GRAMD1B: variants seen among roughly 807,000 people sequenced by gnomAD.
GRAMD1B encodes the protein protein Aster-B.
In GRAMD1B, 37 loss-of-function variants were observed where a neutral mutation model predicts 99.7. That is an observed-to-expected ratio of 0.37 (90% CI 0.29 to 0.49). GRAMD1B has a LOEUF of 0.49. Among genes scored for constraint, GRAMD1B ranks in the 20% least tolerant of loss-of-function variants. The pLI is 0.98. For synonymous variants in GRAMD1B, 427 were observed against 387.6 expected (o/e 1.10, Z -1.19); for missense variants, 888 against 1,009.2 (o/e 0.88, Z 1.63).
chr11:123,568,125 T>A (rs1203594652), intron 2 of GRAMD1B, among the ~76,000 whole-genome samples: 1 of 152,138 alleles, frequency 6.6e-6, no homozygotes, highest in African/African-American at 2.4e-5. Context: ...GGTTTTTTTT[T>A]TAACTGAAAT....
intron 16 of GRAMD1B, among the ~76,000 whole-genome samples, 181 bp downstream of exon 16, chr11:123,613,839 T>C (rs1455983935): frequency 1.3e-5 from 2 of 152,238 alleles, no homozygotes; most frequent in Non-Finnish European, 2.9e-5. Flanking sequence ...TTTAAGTTCC[T>C]CAGCCCCAGC....
intron 2 of GRAMD1B, among the ~76,000 whole-genome samples, chr11:123,516,770 A>T (rs1591786447): frequency 6.6e-6 from 1 of 152,218 alleles, no homozygotes; most frequent in Admixed American, 6.5e-5. Flanking sequence ...TTGTTGCCTT[A>T]TATTTTAAGT....
rs1042095096 is a variant in GRAMD1B, at chr11:123,627,243, C to T, written c.*4648C>T. ...AGGGTGGCCTCTGCTCCAGGCAAGG[C>T]AGCTGGCTCTGTCTGGGGCATCGGC... On this transcript the variant is annotated 3_prime_UTR_variant, in exon 20 of 20. Transcript: ENST00000635736. 2.0e-5 allele frequency: 3 copies of T among 152,310 alleles called. No individual in the cohort carries two copies. Among genetic ancestry groups the T allele is most frequent in the Non-Finnish European group, 2.9e-5 (2 of 68,066 alleles). 9.4% of individuals were successfully genotyped at this position (152,310 alleles called of 1,614,324 possible). A position where few individuals can be genotyped will look rare whatever the true frequency, so the allele number is the denominator to read the frequency against.
At chr11:123,613,040 G>C in intron 15 of GRAMD1B, 176 bp downstream of exon 15, 1 of 597,044 alleles carries the variant, frequency 1.7e-6, no homozygotes, top group African/African-American at 1.9e-5. Context: ...CATGTATGTG[G>C]ACAAGTGCAT....
At chr11:123,549,695 C>G (rs1945425141) in intron 2 of GRAMD1B, among the ~76,000 whole-genome samples, 1 of 152,162 alleles carries the variant, frequency 6.6e-6, no homozygotes, top group South Asian at 2.1e-4. Context: ...AGTGTCATGC[C>G]ATCTGAGTGC....
In GRAMD1B at chr11:123,622,539, A is replaced by C; in HGVS notation, c.2578A>C (p.Ile860Leu). 1 of 1,558,808 alleles carries C rather than the reference A, an allele frequency of 6.4e-7. No homozygotes were observed. Among genetic ancestry groups the C allele is most frequent in the Non-Finnish European group, 8.7e-7 (1 of 1,151,262 alleles). ...KDSLINLQNGIRSRDYTSESE... is the reference protein window; with the variant it reads ...KDSLINLQNGLRSRDYTSESE... ...CTCGCTCATCAACCTTCAGAACGGC[A>C]TCAGGTCCCGCGACTACACGTCGGA... The change falls in exon 20 of 20, where the codon ATC (isoleucine) becomes CTC (leucine). Residue 860 changes from isoleucine to leucine, a missense_variant. Ile to Leu is a conservative substitution (Grantham distance 5). Coordinates refer to ENST00000635736, the MANE Select transcript of GRAMD1B (RefSeq NM_001387025.1).
Position 123,625,521 on chromosome 11 carries a change from C to T in GRAMD1B, c.*2926C>T, listed in dbSNP as rs1955449259. 6.6e-6 allele frequency: 1 copy of T among 152,210 alleles called. No homozygotes were observed. 9.4% of individuals were successfully genotyped at this position (152,210 alleles called of 1,614,324 possible). On this transcript the variant is annotated 3_prime_UTR_variant, in exon 20 of 20. Transcript: ENST00000635736. The stretch of plus-strand genomic sequence containing the variant: ...CCTTCCTCATCCACCTCTTTGGGGA[C>T]AAGAGGATTACATCTCAGGCCAGCA...
chr11:123,548,385 CA>C (rs1262098822), intron 2 of GRAMD1B, among the ~76,000 whole-genome samples: 50 of 148,676 alleles, frequency 3.4e-4, no homozygotes, highest in Non-Finnish European at 5.2e-4. Context: ...CACACACACA[CA>C]CCCAGACAGG....
At chr11:123,412,844 C>T (rs994931408) in intron 1 of GRAMD1B, among the ~76,000 whole-genome samples, 6 of 152,078 alleles carry the variant, frequency 3.9e-5, no homozygotes, top group Middle Eastern at 3.2e-3. Flanking sequence ...TGCAGTGGCG[C>T]GATCTCGGCT....
At chr11:123,439,564 G>T (rs1030677652) in intron 1 of GRAMD1B, among the ~76,000 whole-genome samples, 1 of 152,178 alleles carries the variant, frequency 6.6e-6, no homozygotes, top group African/African-American at 2.4e-5. Flanking sequence ...TGGGTAGTCA[G>T]AGGGTATGAA....
rs937798675 is a variant in GRAMD1B at position 123,492,998 on chromosome 11, T to C, written c.452+12105T>C. On this transcript the variant is annotated intron_variant, in intron 2 of 19. Transcript: ENST00000635736. The surrounding 1 kb of genome is among the most constrained non-coding windows in gnomAD (Gnocchi z 4.2). ...AGCAAAGACTGTGTCCCTCTCTGAT[T>C]AGATGACTTCTCTGGTACCGATATT... Among the ~76,000 whole-genome samples, 3 of 152,166 alleles carry C rather than the reference T, an allele frequency of 2.0e-5. No homozygotes were observed. Among genetic ancestry groups the C allele is most frequent in the African/African-American group, 7.2e-5 (3 of 41,438 alleles).
chr11:123,585,640 G>C (rs567218136), intron 4 of GRAMD1B, among the ~76,000 whole-genome samples: 1 of 152,160 alleles, frequency 6.6e-6, no homozygotes, highest in African/African-American at 2.4e-5. Context: ...GAGGGGAGGG[G>C]GATGAGTGCT....
intron 1 of GRAMD1B, among the ~76,000 whole-genome samples, chr11:123,476,840 CTTG>C (rs1326937771): frequency 3.3e-5 from 5 of 152,172 alleles, no homozygotes; most frequent in Admixed American, 6.5e-5. Flanking sequence ...GCACAAAAAT[CTTG>C]TTGTTAAGAC....
intron 9 of GRAMD1B, 104 bp downstream of exon 9, chr11:123,603,645 A>G: frequency 1.3e-6 from 1 of 742,936 alleles, no homozygotes; most frequent in Non-Finnish European, 2.4e-6. Context: ...CAGCCATGGA[A>G]TGAACTGTGG....
chr11:123,587,180 A>G lies in GRAMD1B; in HGVS notation c.684+2848A>G, dbSNP rs111672498. Reference sequence around the variant, plus strand: ...CAGCCAGGGAGGAGCCATTGCCATGATGACAGACATGCTTGGTCTAAAGAG... The same window carrying G: ...CAGCCAGGGAGGAGCCATTGCCATGGTGACAGACATGCTTGGTCTAAAGAG... On this transcript the variant is annotated intron_variant, in intron 4 of 19. Coordinates refer to ENST00000635736, the MANE Select transcript of GRAMD1B (RefSeq NM_001387025.1). This position sits in a 1 kb window ranked among gnomAD's most constrained non-coding sequence, Gnocchi z 4.2. Among the ~76,000 whole-genome samples the G allele has an allele frequency of 1.2e-4, 18 of 152,320 alleles. No homozygotes were observed. The highest frequency in any genetic ancestry group is 4.3e-4 in the African/African-American group (18 of 41,572).
intron 2 of GRAMD1B, among the ~76,000 whole-genome samples, chr11:123,540,093 A>C (rs1944359095): frequency 6.6e-6 from 1 of 150,980 alleles, no homozygotes; most frequent in African/African-American, 2.4e-5. Flanking sequence ...TTTTTGAGAT[A>C]AGGTTTCTGT....
Position 123,510,675 on chromosome 11 carries a change from G to A in GRAMD1B, c.452+29782G>A, listed in dbSNP as rs1940904186. 6.6e-6 allele frequency among the ~76,000 whole-genome samples: 1 copy of A among 152,186 alleles called. No homozygotes were observed. On this transcript the variant is annotated intron_variant, in intron 2 of 19. Transcript: ENST00000635736. The surrounding 1 kb of genome is among the most constrained non-coding windows in gnomAD (Gnocchi z 4.3). ...TAGGCCAAGCAGAGATCATGGAGCC[G>A]GCTGACATGGCGACAGCAAAGGTAG...
intron 1 of GRAMD1B, among the ~76,000 whole-genome samples, chr11:123,461,141 C>T (rs1462015398): frequency 1.3e-5 from 2 of 152,186 alleles, no homozygotes; most frequent in Non-Finnish European, 2.9e-5. Flanking sequence ...TGAGTTTGGT[C>T]TTCAATCAGA....
At chr11:123,606,562 T>G (rs1165417877) in intron 10 of GRAMD1B, 47 bp from the exon 11 acceptor site, 1 of 1,520,898 alleles carries the variant, frequency 6.6e-7, no homozygotes, top group African/African-American at 1.4e-5. Context: ...GGAGAATAGA[T>G]CCAGACCAGG....
Sources: gnomAD v4.1 joint callset for allele counts (sites outside exome capture counted in the v4.1 genomes callset) on GRCh38, gnomAD v4.1.1 for gene constraint, Gnocchi (gnomAD v3.1) non-coding constraint, MANE v1.5 for transcripts, NCBI Gene and HGNC (gene_info 2026-07-23, HGNC 2026-07-21) for gene names.